Variants in CLBA1 observed in about 807,000 individuals in gnomAD.
The protein encoded by CLBA1 is clathrin binding box of aftiphilin containing 1.
CLBA1 carries 30 observed loss-of-function variants against 28.8 expected under a neutral mutation model. That is an observed-to-expected ratio of 1.04 (90% CI 0.78 to 1.41). CLBA1 has a LOEUF of 1.41. Ranked by LOEUF, CLBA1 falls within the 40% of genes most tolerant of loss-of-function variation. CLBA1 has a pLI of 0.00. For missense variants in CLBA1, 451 were observed against 412.3 expected (o/e 1.09, Z -0.81); for synonymous variants, 160 against 152.8 (o/e 1.05, Z -0.35).
chr14:104,990,714 T>A (rs1225803154), intron 2 of CLBA1: 1 of 152,462 alleles, frequency 6.6e-6, no homozygotes, highest in Non-Finnish European at 1.5e-5. Flanking sequence ...ACCGTTGGTT[T>A]GCTCATTTGT....
Position 104,995,416 on chromosome 14 carries a change from C to G in CLBA1, c.*657C>G, listed in dbSNP as rs947604672. On this transcript the variant is annotated 3_prime_UTR_variant, in exon 5 of 5. Coordinates refer to ENST00000547315, the MANE Select transcript of CLBA1 (RefSeq NM_174891.4). ...GAGCCTCTGGTGGGCCCGTGGCTTC[C>G]CCCAGTTATCTGCTAAGGAAAACTG... 16 of 985,382 alleles carry G rather than the reference C, an allele frequency of 1.6e-5. No individual in the cohort carries two copies. The highest frequency in any genetic ancestry group is 1.9e-5 in the Non-Finnish European group (16 of 829,924). 61.0% of individuals were successfully genotyped at this position (985,382 alleles called of 1,614,324 possible).
chr14:104,989,668 C>T (rs1024371006), intron 2 of CLBA1: 17 of 456,032 alleles, frequency 3.7e-5, no homozygotes, highest in African/African-American at 1.8e-4. Context: ...AGACAGACAG[C>T]GCTCGAGTGG....
chr14:104,998,029 A>AAAGG (rs1900185620), downstream of CLBA1, among the ~76,000 whole-genome samples: 1 of 150,360 alleles, frequency 6.7e-6, no homozygotes, highest in African/African-American at 2.5e-5. Flanking sequence ...AGAAAGAAAG[A>AAAGG]AAAGAAAAAA....
chr14:104,994,597 GCTCTCGGGGCCGC>G lies in CLBA1; in HGVS notation c.819_831del (p.Ser274AlafsTer7). 6.2e-7 allele frequency: 1 copy of G among 1,605,504 alleles called. No homozygotes were observed. The highest frequency in any genetic ancestry group is 8.5e-7 in the Non-Finnish European group (1 of 1,178,784). ...GCCTGACTGCTGTCCTCTCATCTCA[GCTCTCGGGGCCGC>G]CTGGCAGCAAACAGGGGAGGCTGAT... On this transcript the variant is annotated frameshift_variant and splice_region_variant, in exon 5 of 5. Coordinates refer to ENST00000547315, the MANE Select transcript of CLBA1 (RefSeq NM_174891.4). LOFTEE classifies it low-confidence loss of function (END_TRUNC).
intron 2 of CLBA1, chr14:104,990,603 A>T (rs1407229485): frequency 6.6e-6 from 1 of 152,126 alleles, no homozygotes. Flanking sequence ...CTGCCCTTGC[A>T]CTCATTTTCC....
rs573988507 is a variant in CLBA1 at position 104,991,382 on chromosome 14, C to T, written c.570-109C>T. The T allele has an allele frequency of 5.5e-5, 75 of 1,371,592 alleles. 1 individual carries two copies. The Admixed American group carries it at 8.6e-4, about 16-fold the overall frequency. The allele number at this position is 1,371,592 out of a possible 1,614,324, so 85.0% of individuals were successfully genotyped here. ...TACGCCTCTTGGCTTGTGCGCGTCT[C>T]GGCTTGCGGGTAAAGGCCAGGCGCC... On this transcript the variant is annotated intron_variant, in intron 2 of 4. Coordinates refer to ENST00000547315, the MANE Select transcript of CLBA1 (RefSeq NM_174891.4).
rs1248356628 is a variant in CLBA1, at chr14:104,991,543, A to G, written c.622A>G (p.Thr208Ala). 6.2e-7 allele frequency: 1 copy of G among 1,614,022 alleles called. No individual in the cohort carries two copies. The highest frequency in any genetic ancestry group is 1.1e-5 in the South Asian group (1 of 91,082). ...CCTTCAGAGCATACACACCACGTCT[A>G]CTTCTCAGCGCCTCTGGAGCGAGTC... is the stretch of plus-strand genomic sequence containing the variant. ...RALQSIHTTS[T>A]SQRLWSESRC... The change falls in exon 3 of 5, where the codon ACT (threonine) becomes GCT (alanine). Residue 208 changes from threonine (T) to alanine (A), a missense_variant. By Grantham distance (58) the Thr-to-Ala change is moderately conservative (BLOSUM62 0). Coordinates refer to ENST00000547315, the MANE Select transcript of CLBA1 (RefSeq NM_174891.4).
chr14:104,991,203 T>A lies in CLBA1; in HGVS notation c.570-288T>A, dbSNP rs556111935. On this transcript the variant is annotated intron_variant, in intron 2 of 4. Coordinates refer to ENST00000547315, the MANE Select transcript of CLBA1 (RefSeq NM_174891.4). ...CCACGCCCGGCTATTTTTTTGTATT[T>A]TTAGTAGAGACGGGGTTTCACTATG... 84 of 255,530 alleles carry A rather than the reference T, an allele frequency of 3.3e-4. 1 individual carries two copies. The highest frequency in any genetic ancestry group is 5.3e-4 in the South Asian group (14 of 26,260). 15.8% of individuals were successfully genotyped at this position (255,530 alleles called of 1,614,324 possible).
rs1346201260 is a variant in CLBA1 at position 104,994,917 on chromosome 14, G to A, written c.*158G>A. 4 of 1,372,810 alleles carry A rather than the reference G, an allele frequency of 2.9e-6. No individual in the cohort carries two copies. The highest frequency in any genetic ancestry group is 2.9e-5 in the East Asian group (1 of 34,892). The allele number at this position is 1,372,810 out of a possible 1,614,324, so 85.0% of individuals were successfully genotyped here. On this transcript the variant is annotated 3_prime_UTR_variant, in exon 5 of 5. Coordinates refer to ENST00000547315, the MANE Select transcript of CLBA1 (RefSeq NM_174891.4). Reference sequence around the variant, plus strand: ...CTGTCCTGTGTTCTGGGCTTGTCTCGGGTCTGACCAGGAGATGGAGGATGT... The same window carrying A: ...CTGTCCTGTGTTCTGGGCTTGTCTCAGGTCTGACCAGGAGATGGAGGATGT...
Position 104,991,215 on chromosome 14 carries a change from G to A in CLBA1, c.570-276G>A, listed in dbSNP as rs769735613. Reference sequence around the variant, plus strand: ...ATTTTTTTGTATTTTTAGTAGAGACGGGGTTTCACTATGTTGGCCAGGCAG... The same window carrying A: ...ATTTTTTTGTATTTTTAGTAGAGACAGGGTTTCACTATGTTGGCCAGGCAG... On this transcript the variant is annotated intron_variant, in intron 2 of 4. Coordinates refer to ENST00000547315, the MANE Select transcript of CLBA1 (RefSeq NM_174891.4). 25 of 270,086 alleles carry A rather than the reference G, an allele frequency of 9.3e-5. No homozygotes were observed. In the Admixed American group the frequency reaches 1.1e-3, roughly 11 times the overall value. 16.7% of individuals were successfully genotyped at this position (270,086 alleles called of 1,614,324 possible).
intron 1 of CLBA1, 131 bp from the exon 2 acceptor site, chr14:104,988,812 C>T: frequency 2.1e-6 from 2 of 948,794 alleles, no homozygotes; most frequent in Non-Finnish European, 3.0e-6. Context: ...ATGAATATGT[C>T]AAGTGATAGT....
downstream of CLBA1, among the ~76,000 whole-genome samples, chr14:105,000,216 A>G (rs978197700): frequency 6.6e-6 from 1 of 152,258 alleles, no homozygotes; most frequent in African/African-American, 2.4e-5. Context: ...ACAACGTAAC[A>G]GGAAGAAAAC....
Position 104,986,725 on chromosome 14 carries a change from T to G in CLBA1, c.294T>G (p.Leu98=). Residue 98 remains leucine (L), a synonymous_variant, in exon 1 of 5, where the codon CTT becomes CTG. Coordinates refer to ENST00000547315, the MANE Select transcript of CLBA1 (RefSeq NM_174891.4). ...SAKSGQFSQS[L]ELLEGPTEPQ... ...AGTCTGGACAATTCTCACAGTCCCT[T>G]GAACTCCTCGAGGGACCCACAGAAC... 1 of 1,614,022 alleles carries G rather than the reference T, an allele frequency of 6.2e-7. No individual in the cohort carries two copies. The highest frequency in any genetic ancestry group is 8.5e-7 in the Non-Finnish European group (1 of 1,179,992).
chr14:104,993,298 C>G (rs1900089274), intron 4 of CLBA1: 1 of 985,280 alleles, frequency 1.0e-6, no homozygotes, highest in South Asian at 4.7e-5. Flanking sequence ...CCAGAGGACC[C>G]AGGATATGGG....
chr14:104,993,502 A>G, intron 4 of CLBA1: 3 of 985,448 alleles, frequency 3.0e-6, no homozygotes, highest in Non-Finnish European at 3.6e-6. Flanking sequence ...TACCCTACAC[A>G]GGGTCTGCCC....
chr14:104,986,504 C>T lies in CLBA1; in HGVS notation c.73C>T (p.Arg25Ter), dbSNP rs755756120. 14 of 1,613,648 alleles carry T rather than the reference C, an allele frequency of 8.7e-6. No homozygotes were observed. In the East Asian group the frequency reaches 2.2e-4, roughly 26 times the overall value. Residue 25 changes from arginine to a stop codon, truncating the protein, a stop_gained, in exon 1 of 5, where the codon CGA becomes TGA. Coordinates refer to ENST00000547315, the MANE Select transcript of CLBA1 (RefSeq NM_174891.4). LOFTEE classifies it high-confidence loss of function. ...LQEEAASASL[R>*]VAPERLSDDS... ...GGAGGAAGCAGCCAGCGCTTCCCTC[C>T]GAGTGGCACCTGAGAGGCTGAGTGA...
At position 104,988,947 on chromosome 14, in the gene CLBA1, T is replaced by A. The variant is rs1184491512; in HGVS notation, c.428T>A (p.Ile143Asn). ...GTSAVPPSEP[I>N]LSYENILKCA... Reference sequence around the variant, plus strand: ...CTTTTCTTCTTTTCTTTTCAGCCCATTCTCAGCTATGAGAACATTTTAAAG... The same window carrying A: ...CTTTTCTTCTTTTCTTTTCAGCCCAATCTCAGCTATGAGAACATTTTAAAG... Residue 143 changes from isoleucine to asparagine, a missense_variant, in exon 2 of 5, where the codon ATT becomes AAT. Coordinates refer to ENST00000547315, the MANE Select transcript of CLBA1 (RefSeq NM_174891.4). 1 of 1,606,670 alleles carries A rather than the reference T, an allele frequency of 6.2e-7. No homozygotes were observed. Among genetic ancestry groups the A allele is most frequent in the Non-Finnish European group, 8.5e-7 (1 of 1,176,862 alleles).
At chr14:104,998,699 A>C (rs978662679), downstream of CLBA1, among the ~76,000 whole-genome samples, 1 of 152,262 alleles carries the variant, frequency 6.6e-6, no homozygotes, top group Non-Finnish European at 1.5e-5. Context: ...CTGCCCTCCC[A>C]GGCTGAGACG....
chr14:104,999,087 C>G, downstream of CLBA1: 1 of 436,982 alleles, frequency 2.3e-6, no homozygotes, highest in Non-Finnish European at 3.0e-6. Context: ...CTTCCTCCCA[C>G]AGATGCCAGG....
Sources: gnomAD v4.1 joint callset for allele counts (sites outside exome capture counted in the v4.1 genomes callset) on GRCh38, gnomAD v4.1.1 for gene constraint, MANE v1.5 for transcripts, NCBI Gene and HGNC (gene_info 2026-07-23, HGNC 2026-07-21) for gene names.